The following ATP8A2 variants were observed in gnomAD, a reference collection of about 807,000 sequenced individuals.
ATP8A2 encodes the protein ATPase phospholipid transporting 8A2.
Under a neutral mutation model 165.6 loss-of-function variants are expected in ATP8A2, and 100 were observed. That is an observed-to-expected ratio of 0.60 (90% CI 0.51 to 0.71). The LOEUF is 0.71. ATP8A2 is among the 30% of genes least tolerant of loss of function. The pLI, the probability that ATP8A2 is intolerant of heterozygous loss-of-function variation, is 0.00. For missense variants in ATP8A2, 1,227 were observed against 1,479.5 expected, an observed-to-expected ratio of 0.83 and a Z score of 2.80; for synonymous variants, 543 against 548.8, an observed-to-expected ratio of 0.99 and a Z score of 0.15.
intron 27 of ATP8A2, among the ~76,000 whole-genome samples, chr13:25,782,777 GT>G (rs2044915163): frequency 6.6e-6 from 1 of 152,072 alleles, no homozygotes; most frequent in South Asian, 2.1e-4. Context: ...TTTCACTCTT[GT>G]TGCCAGGCTG....
intron 33 of ATP8A2, among the ~76,000 whole-genome samples, chr13:25,921,926 AT>A: frequency 6.6e-6 from 1 of 152,308 alleles, no homozygotes; most frequent in South Asian, 2.1e-4. Flanking sequence ...TCTATAGTTT[AT>A]TTGTTAGATT....
chr13:25,780,703 T>G (rs2044854008), intron 27 of ATP8A2, among the ~76,000 whole-genome samples: 1 of 152,082 alleles, frequency 6.6e-6, no homozygotes, highest in African/African-American at 2.4e-5. Flanking sequence ...TCAAGCACAG[T>G]ACATTTATCA....
intron 1 of ATP8A2, among the ~76,000 whole-genome samples, chr13:25,438,847 T>G (rs567723301): frequency 2.0e-5 from 3 of 152,286 alleles, no homozygotes; most frequent in African/African-American, 7.2e-5. Flanking sequence ...CATATGCCTA[T>G]GTGACACGGT....
intron 32 of ATP8A2, 61 bp downstream of exon 32, chr13:25,860,921 T>A: frequency 8.6e-7 from 1 of 1,166,480 alleles, no homozygotes; most frequent in Non-Finnish European, 1.3e-6. Flanking sequence ...CTAGGATTTC[T>A]TTTTAAGCCT....
At chr13:25,818,741 A>C (rs958310776) in intron 27 of ATP8A2, among the ~76,000 whole-genome samples, 4 of 152,164 alleles carry the variant, frequency 2.6e-5, no homozygotes, top group African/African-American at 9.7e-5. Context: ...TCTCTTTAAC[A>C]TCAAGTATTA....
chr13:25,610,606 T>C (rs879599549), intron 24 of ATP8A2, among the ~76,000 whole-genome samples: 8 of 152,152 alleles, frequency 5.3e-5, no homozygotes, highest in Non-Finnish European at 1.0e-4. Context: ...GGGCTCTCTT[T>C]TGGTTCCATG....
intron 1 of ATP8A2, among the ~76,000 whole-genome samples, chr13:25,399,489 C>A (rs1219399232): frequency 3.1e-5 from 4 of 128,688 alleles, no homozygotes; most frequent in Non-Finnish European, 6.5e-5. Context: ...AGCTCCGCCT[C>A]CTGGGTTCAC....
chr13:25,687,311 A>G (rs1431973391), intron 24 of ATP8A2, among the ~76,000 whole-genome samples: 1 of 152,230 alleles, frequency 6.6e-6, no homozygotes, highest in Admixed American at 6.5e-5. Context: ...TTCTTCAGCC[A>G]ACATTGATTG....
intron 27 of ATP8A2, among the ~76,000 whole-genome samples, chr13:25,800,499 T>C (rs1950600090): frequency 6.6e-6 from 1 of 152,200 alleles, no homozygotes; most frequent in Non-Finnish European, 1.5e-5. Context: ...TTTTCAAGAA[T>C]CTTGCTTATT....
intron 21 of ATP8A2, 21 bp downstream of exon 21, chr13:25,578,920 CTGTTTTT>C: frequency 6.7e-7 from 1 of 1,502,068 alleles, no homozygotes; most frequent in Non-Finnish European, 9.3e-7. Flanking sequence ...TTTGGAAATG[CTGTTTTT>C]GGCCATTGGA....
At chr13:25,439,239 TCAGC>T (rs2034863803) in intron 1 of ATP8A2, among the ~76,000 whole-genome samples, 1 of 152,170 alleles carries the variant, frequency 6.6e-6, no homozygotes, top group East Asian at 1.9e-4. Flanking sequence ...TCAGGGGCTG[TCAGC>T]CAGGCTGGTG....
At chr13:25,827,086 G>A (rs1566178269) in intron 27 of ATP8A2, among the ~76,000 whole-genome samples, 1 of 151,492 alleles carries the variant, frequency 6.6e-6, no homozygotes, top group Non-Finnish European at 1.5e-5. Flanking sequence ...AGTGTTTTTT[G>A]TTTTTTTTGT....
In ATP8A2 at chr13:26,010,455, C is replaced by T. The variant is rs1956823027; in HGVS notation, c.3378-2076C>T. 2.0e-5 allele frequency among the ~76,000 whole-genome samples: 3 copies of T among 152,354 alleles called. No homozygotes were observed. The Middle Eastern group carries it at 0.01, about 518-fold the overall frequency. ...TTGCCCATTATGTCCCCATGTGGGG[C>T]CTGGCTGGTGAGGCTACCCTGGGGC... On this transcript the variant is annotated intron_variant, in intron 35 of 36. Coordinates refer to ENST00000381655, the MANE Select transcript of ATP8A2 (RefSeq NM_016529.6).
chr13:25,727,986 A>G (rs761142849), intron 25 of ATP8A2, among the ~76,000 whole-genome samples: 1 of 152,104 alleles, frequency 6.6e-6, no homozygotes, highest in Non-Finnish European at 1.5e-5. Flanking sequence ...CACCTGTGCA[A>G]ATGCCCCCAC....
At chr13:25,397,407 A>T (rs568856475) in intron 1 of ATP8A2, among the ~76,000 whole-genome samples, 43 of 152,298 alleles carry the variant, frequency 2.8e-4, no homozygotes, top group Middle Eastern at 6.8e-3. Flanking sequence ...GGTCCCTTTC[A>T]GCCTGCCTAC....
chr13:25,736,517 A>G (rs986933994), intron 25 of ATP8A2, among the ~76,000 whole-genome samples: 1 of 152,196 alleles, frequency 6.6e-6, no homozygotes, highest in Non-Finnish European at 1.5e-5. Flanking sequence ...GATTCGTTGG[A>G]GACATAAATA....
chr13:25,827,068 T>C (rs1951337876), intron 27 of ATP8A2, among the ~76,000 whole-genome samples: 1 of 152,178 alleles, frequency 6.6e-6, no homozygotes, highest in African/African-American at 2.4e-5. Flanking sequence ...GATCTTTCCT[T>C]TTCTGACAGT....
chr13:25,550,612 G>A (rs555265001), intron 10 of ATP8A2, among the ~76,000 whole-genome samples: 1 of 152,120 alleles, frequency 6.6e-6, no homozygotes, highest in Non-Finnish European at 1.5e-5. Flanking sequence ...CCCCAGCAGT[G>A]AGAAGGCAGG....
At chr13:25,754,757 A>G (rs1170406959) in intron 25 of ATP8A2, among the ~76,000 whole-genome samples, 5 of 152,210 alleles carry the variant, frequency 3.3e-5, no homozygotes, top group Admixed American at 6.5e-5. Flanking sequence ...TAATATAGCA[A>G]AAGAGATTAT....
Sources: gnomAD v4.1 joint callset for allele counts (sites outside exome capture counted in the v4.1 genomes callset) on GRCh38, gnomAD v4.1.1 for gene constraint, MANE v1.5 for transcripts, NCBI Gene and HGNC (gene_info 2026-07-23, HGNC 2026-07-21) for gene names.